The following ASXL3 variants were observed in gnomAD, a reference collection of about 807,000 sequenced individuals.
ASXL3 encodes ASXL transcriptional regulator 3, also known as putative Polycomb group protein ASXL3.
Under a neutral mutation model 170.6 loss-of-function variants are expected in ASXL3, and 34 were observed. The observed-to-expected ratio is 0.20, with a 90% CI of 0.15 to 0.27. ASXL3 has a LOEUF of 0.27. Ranked by LOEUF, ASXL3 falls within the 10% of genes least tolerant of loss-of-function variation. The pLI, the probability that ASXL3 is intolerant of heterozygous loss-of-function variation, is 1.00. For synonymous variants in ASXL3, 1,002 were observed against 989.1 expected, an observed-to-expected ratio of 1.01 and a Z score of -0.24; for missense variants, 2,592 against 2,695.3, an observed-to-expected ratio of 0.96 and a Z score of 0.85.
chr18:33,662,018 A>G, intron 5 of ASXL3, among the ~76,000 whole-genome samples: 1 of 152,308 alleles, frequency 6.6e-6, no homozygotes, highest in Middle Eastern at 3.4e-3. Flanking sequence ...TATGATTTAT[A>G]GTAGTAAATC....
intron 1 of ASXL3, 133 bp downstream of exon 1, chr18:33,578,818 T>C (rs2064968681): frequency 1.9e-6 from 1 of 513,092 alleles, no homozygotes; most frequent in African/African-American, 2.1e-5. Context: ...TGCTCTTTGT[T>C]ATTCTGCGGG....
chr18:33,600,491 TTC>T (rs1278185217), intron 1 of ASXL3, among the ~76,000 whole-genome samples: 2 of 148,746 alleles, frequency 1.3e-5, no homozygotes, highest in Non-Finnish European at 3.0e-5. Context: ...GTAGGAAGAT[TTC>T]TCTGTTTTTT....
At chr18:33,580,178 C>T (rs528682975) in intron 1 of ASXL3, among the ~76,000 whole-genome samples, 1 of 152,326 alleles carries the variant, frequency 6.6e-6, no homozygotes, top group East Asian at 1.9e-4. Flanking sequence ...AAATCTCTCA[C>T]TCTGTGGATG....
chr18:33,641,334 T>A (rs1411398157), intron 2 of ASXL3, among the ~76,000 whole-genome samples: 1 of 152,036 alleles, frequency 6.6e-6, no homozygotes, highest in African/African-American at 2.4e-5. Context: ...TCCACCCCGT[T>A]CTGCTTCAGG....
intron 8 of ASXL3, among the ~76,000 whole-genome samples, chr18:33,698,204 C>T (rs1175670897): frequency 6.6e-6 from 1 of 152,098 alleles, no homozygotes; most frequent in Admixed American, 6.6e-5. Context: ...AGAGGCCTGC[C>T]TGGACTTTCT....
chr18:33,583,478 A>G (rs188443851), intron 1 of ASXL3, among the ~76,000 whole-genome samples: 43 of 152,308 alleles, frequency 2.8e-4, no homozygotes, highest in Non-Finnish European at 3.7e-4. Context: ...TCTTTCAAAC[A>G]TGGAACCTAA....
intron 1 of ASXL3, among the ~76,000 whole-genome samples, chr18:33,579,572 G>A (rs1180260368): frequency 1.3e-5 from 2 of 152,140 alleles, no homozygotes; most frequent in Non-Finnish European, 2.9e-5. Flanking sequence ...GGCGTCTTTG[G>A]TTTGATGCAT....
At chr18:33,644,328 T>C (rs1256684338) in intron 2 of ASXL3, among the ~76,000 whole-genome samples, 2 of 151,932 alleles carry the variant, frequency 1.3e-5, no homozygotes, top group African/African-American at 4.8e-5. Flanking sequence ...GAAACACATA[T>C]GTACATTCTT....
At chr18:33,728,506 T>A (rs2067385063) in intron 8 of ASXL3, among the ~76,000 whole-genome samples, 1 of 152,206 alleles carries the variant, frequency 6.6e-6, no homozygotes, top group African/African-American at 2.4e-5. Context: ...TCAGATTTCA[T>A]AGAGGTATAT....
At chr18:33,732,443 C>A (rs2067467088) in intron 9 of ASXL3, among the ~76,000 whole-genome samples, 1 of 152,174 alleles carries the variant, frequency 6.6e-6, no homozygotes, top group Non-Finnish European at 1.5e-5. Flanking sequence ...TTCCTTTAAT[C>A]ACCAAGTTTC....
At chr18:33,695,376 C>A (rs184681292) in intron 8 of ASXL3, among the ~76,000 whole-genome samples, 1 of 152,078 alleles carries the variant, frequency 6.6e-6, no homozygotes, top group Admixed American at 6.6e-5. Context: ...GTAAATCATA[C>A]ATAGCCAGAG....
At chr18:33,590,111 G>GTTTTTTTTTTTTTTGTTTT (rs2065064889) in intron 1 of ASXL3, among the ~76,000 whole-genome samples, 1 of 83,184 alleles carries the variant, frequency 1.2e-5, no homozygotes, top group African/African-American at 6.9e-5. Flanking sequence ...TGCTTTCTAT[G>GTTTTTTTTTTTTTTGTTTT]TTTTTTTTTT....
chr18:33,732,583 G>T (rs1402100969), intron 9 of ASXL3, among the ~76,000 whole-genome samples: 1 of 152,094 alleles, frequency 6.6e-6, no homozygotes, highest in Non-Finnish European at 1.5e-5. Context: ...GCCAGGCGTG[G>T]TGGCTCACTG....
At chr18:33,600,145 C>T (rs1284384612) in intron 1 of ASXL3, among the ~76,000 whole-genome samples, 1 of 149,986 alleles carries the variant, frequency 6.7e-6, no homozygotes, top group Non-Finnish European at 1.5e-5. Flanking sequence ...TTGCAAACTA[C>T]TTTATATGAA....
intron 2 of ASXL3, among the ~76,000 whole-genome samples, chr18:33,643,198 A>G (rs1015002069): frequency 5.9e-5 from 9 of 152,040 alleles, no homozygotes; most frequent in Middle Eastern, 3.4e-3. Context: ...TGTCTGAAGA[A>G]TATAATGTAA....
intron 4 of ASXL3, among the ~76,000 whole-genome samples, chr18:33,648,649 A>G (rs1471626000): frequency 6.6e-6 from 1 of 152,092 alleles, no homozygotes; most frequent in Non-Finnish European, 1.5e-5. Flanking sequence ...ATGGTAGTTA[A>G]AGACAGGAAA....
chr18:33,697,153 A>C lies in ASXL3; in HGVS notation c.879+13585A>C, dbSNP rs1460015500. Among the ~76,000 whole-genome samples, 3 of 152,290 alleles carry C rather than the reference A, an allele frequency of 2.0e-5. No homozygotes were observed. In the East Asian group the frequency reaches 5.8e-4, roughly 29 times the overall value. ...ATAAAGAGAACCTGTGTGACAATTC[A>C]GAGAACAAGACCCTTTATGTGTTAC... On this transcript the variant is annotated intron_variant, in intron 8 of 11. Transcript: ENST00000269197.
At position 33,747,912 on chromosome 18, in the gene ASXL3, A is replaced by G. The variant is rs930119839; in HGVS notation, c.*1317A>G. 1 of 152,162 alleles carries G rather than the reference A, an allele frequency of 6.6e-6. No individual in the cohort carries two copies. Among genetic ancestry groups the G allele is most frequent in the Non-Finnish European group, 1.5e-5 (1 of 68,038 alleles). 9.4% of individuals were successfully genotyped at this position (152,162 alleles called of 1,614,324 possible). A position where few individuals can be genotyped will look rare whatever the true frequency, so the allele number is the denominator to read the frequency against. On this transcript the variant is annotated 3_prime_UTR_variant, in exon 12 of 12. Transcript: ENST00000269197. ...GTTGAGTATTTGAGCTACATTCCAT[A>G]TATTTTGGCCACCCTCATACCAGAG...
chr18:33,737,238 C>A (rs554501987), intron 10 of ASXL3, among the ~76,000 whole-genome samples: 29 of 152,172 alleles, frequency 1.9e-4, no homozygotes, highest in African/African-American at 5.3e-4. Flanking sequence ...TGGCCAAATA[C>A]CCAAAAACTG....
Sources: allele counts gnomAD v4.1 joint callset (sites outside exome capture counted in the v4.1 genomes callset), GRCh38; gene constraint gnomAD v4.1.1; transcripts MANE v1.5; gene names NCBI Gene and HGNC (gene_info 2026-07-23, HGNC 2026-07-21).